Variants in TSHZ3 observed in about 807,000 individuals in gnomAD.
The protein encoded by TSHZ3 is teashirt zinc finger homeobox 3, also known as teashirt homolog 3.
In TSHZ3, 10 loss-of-function variants were observed where a neutral mutation model predicts 64.5. The observed-to-expected ratio is 0.16, with a 90% CI of 0.10 to 0.26. TSHZ3 has a LOEUF of 0.26. Among genes scored for constraint, TSHZ3 ranks in the 10% least tolerant of loss-of-function variants. The pLI is 1.00. For missense variants in TSHZ3, 1,242 were observed against 1,421.7 expected (o/e 0.87, Z 2.03); for synonymous variants, 608 against 593.1 (o/e 1.03, Z -0.36).
chr19:31,330,707 G>GA (rs879897342), intron 1 of TSHZ3, among the ~76,000 whole-genome samples: 4 of 100,294 alleles, frequency 4.0e-5, no homozygotes, highest in African/African-American at 9.2e-5. Flanking sequence ...TTAATCCTTG[G>GA]GCGGGGGGAG....
chr19:31,293,732 G>A (rs536798690), intron 1 of TSHZ3, among the ~76,000 whole-genome samples: 38 of 152,300 alleles, frequency 2.5e-4, no homozygotes, highest in African/African-American at 8.9e-4. Flanking sequence ...TTTTAGAGTC[G>A]CTGATCCTGT....
chr19:31,250,586 T>G (rs8112241), intron 1 of TSHZ3, among the ~76,000 whole-genome samples: 1 of 152,210 alleles, frequency 6.6e-6, no homozygotes, highest in South Asian at 2.1e-4. Context: ...ATATGAAATA[T>G]CTACAATTCT....
intron 1 of TSHZ3, among the ~76,000 whole-genome samples, chr19:31,319,030 T>C (rs948533239): frequency 2.0e-5 from 3 of 152,246 alleles, no homozygotes; most frequent in Admixed American, 2.0e-4. Flanking sequence ...AAGGATCCTC[T>C]GAGCCGGAGA....
In TSHZ3 at chr19:31,280,234, C is replaced by A. The variant is rs1033415672; in HGVS notation, c.41-482G>T. Among the ~76,000 whole-genome samples the A allele has an allele frequency of 5.3e-5, 8 of 152,132 alleles. No individual in the cohort carries two copies. The East Asian group carries it at 1.5e-3, about 29-fold the overall frequency. The stretch of plus-strand genomic sequence containing the variant: ...TTTTTTACTCATTACATTTTTGAGG[C>A]TCAATCTTTAATAAATATAAAGTAT... On this transcript the variant is annotated intron_variant, in intron 1 of 1. Coordinates refer to ENST00000240587, the MANE Select transcript of TSHZ3 (RefSeq NM_020856.4).
At chr19:31,188,833 C>T (rs1043696399) in intron 5 of TSHZ3, among the ~76,000 whole-genome samples, 2 of 151,796 alleles carry the variant, frequency 1.3e-5, no homozygotes, top group African/African-American at 4.8e-5. Context: ...TTCCTTTCTT[C>T]TCTATTTTCT....
rs1035902199 is a variant in TSHZ3, at chr19:31,178,137, G to C, written n.810-21720C>G. On this transcript the variant is annotated intron_variant and non_coding_transcript_variant, in intron 5 of 6. Coordinates refer to the TSHZ3 transcript ENST00000651361. ...ATACTTAGCTCAGGGTTAGCAAATAGTAAGCTTCCCATTGATGATAGATAT... is the reference window on the plus strand; with the variant it reads ...ATACTTAGCTCAGGGTTAGCAAATACTAAGCTTCCCATTGATGATAGATAT... Among the ~76,000 whole-genome samples, 2 of 152,190 alleles carry C rather than the reference G, an allele frequency of 1.3e-5. 1 individual carries two copies. The highest frequency in any genetic ancestry group is 2.9e-5 in the Non-Finnish European group (2 of 68,044).
At chr19:31,251,596 C>G (rs1975843016) in intron 1 of TSHZ3, among the ~76,000 whole-genome samples, 1 of 152,122 alleles carries the variant, frequency 6.6e-6, no homozygotes, top group Non-Finnish European at 1.5e-5. Flanking sequence ...GTGTTCTAGC[C>G]CCACCCTCTC....
chr19:31,323,891 C>G (rs1916854084), intron 1 of TSHZ3, among the ~76,000 whole-genome samples: 1 of 151,324 alleles, frequency 6.6e-6, no homozygotes, highest in Non-Finnish European at 1.5e-5. Context: ...CACACACACA[C>G]ACACACACAC....
intron 4 of TSHZ3, among the ~76,000 whole-genome samples, chr19:31,220,972 C>T (rs1278024204): frequency 6.6e-6 from 1 of 152,152 alleles, no homozygotes; most frequent in South Asian, 2.1e-4. Flanking sequence ...ATAAGAACAG[C>T]ATAGATGCCA....
At chr19:31,174,813 C>T (rs1279738731) in intron 5 of TSHZ3, among the ~76,000 whole-genome samples, 1 of 152,116 alleles carries the variant, frequency 6.6e-6, no homozygotes, top group Non-Finnish European at 1.5e-5. Flanking sequence ...AGCCAGGGGG[C>T]TGAACAGGAG....
intron 5 of TSHZ3, among the ~76,000 whole-genome samples, chr19:31,156,507 C>T (rs1974307741): frequency 6.6e-6 from 1 of 152,162 alleles, no homozygotes; most frequent in East Asian, 1.9e-4. Flanking sequence ...ATATCAGCCA[C>T]CCAGGGCATC....
chr19:31,213,223 G>A (rs973928732), intron 4 of TSHZ3, among the ~76,000 whole-genome samples: 59 of 151,608 alleles, frequency 3.9e-4, no homozygotes, highest in Non-Finnish European at 2.1e-4. Flanking sequence ...CGGGCGTGGC[G>A]TCATGCACCT....
At chr19:31,301,146 T>C (rs2145142752) in intron 1 of TSHZ3, among the ~76,000 whole-genome samples, 1 of 151,978 alleles carries the variant, frequency 6.6e-6, no homozygotes, top group East Asian at 1.9e-4. Context: ...CAGGGAAGGC[T>C]GGGTGGGGGC....
At chr19:31,161,927 GATGTGGCCCACTGGCC>G (rs1974378812) in intron 5 of TSHZ3, among the ~76,000 whole-genome samples, 1 of 152,224 alleles carries the variant, frequency 6.6e-6, no homozygotes, top group Admixed American at 6.5e-5. Flanking sequence ...GATGGGCCTG[GATGTGGCCCACTGGCC>G]ATATTCCTGA....
At chr19:31,213,480 A>C in intron 4 of TSHZ3, among the ~76,000 whole-genome samples, 1 of 151,468 alleles carries the variant, frequency 6.6e-6, no homozygotes, top group Non-Finnish European at 1.5e-5. Context: ...AGGATACTAT[A>C]ATGGTGGATC....
At chr19:31,326,183 C>T (rs1004989157) in intron 1 of TSHZ3, among the ~76,000 whole-genome samples, 3 of 152,130 alleles carry the variant, frequency 2.0e-5, no homozygotes, top group East Asian at 3.9e-4. Flanking sequence ...TTAAAATATA[C>T]TTTTAATTTA....
rs547988009 is a variant in TSHZ3, at chr19:31,189,639, G to A, written n.809+15317C>T. Among the ~76,000 whole-genome samples, 18 of 151,758 alleles carry A rather than the reference G, an allele frequency of 1.2e-4. No homozygotes were observed. The South Asian group carries it at 3.7e-3, about 31-fold the overall frequency. ...AATCTTTTGAAATATATAGAGATGT[G>A]TATTTTAGTACCACTAGTTCTATCT... On this transcript the variant is annotated intron_variant and non_coding_transcript_variant, in intron 5 of 6. Coordinates refer to the TSHZ3 transcript ENST00000651361.
chr19:31,260,051 G>A (rs914971047), intron 1 of TSHZ3, among the ~76,000 whole-genome samples: 1 of 152,152 alleles, frequency 6.6e-6, no homozygotes, highest in African/African-American at 2.4e-5. Context: ...TCTGCCCTGT[G>A]CTGATTGTCC....
chr19:31,174,953 C>A (rs1264713883), intron 5 of TSHZ3, among the ~76,000 whole-genome samples: 1 of 152,204 alleles, frequency 6.6e-6, no homozygotes, highest in African/African-American at 2.4e-5. Context: ...TAATCTGGAG[C>A]AAAACATCCC....
Sources: allele counts gnomAD v4.1 joint callset (sites outside exome capture counted in the v4.1 genomes callset), GRCh38; gene constraint gnomAD v4.1.1; transcripts MANE v1.5; gene names NCBI Gene and HGNC (gene_info 2026-07-23, HGNC 2026-07-21).